The following GSTCD variants were observed in gnomAD, a reference collection of about 807,000 sequenced individuals.
GSTCD encodes glutathione S-transferase C-terminal domain containing.
GSTCD carries 44 observed loss-of-function variants against 68.3 expected under a neutral mutation model. The observed-to-expected ratio is 0.64, with a 90% CI of 0.51 to 0.83. The LOEUF is 0.83. GSTCD is among the 40% of genes least tolerant of loss of function. The probability of loss-of-function intolerance (pLI) is 0.00; values close to 1 mark genes in which losing one functional copy is unlikely to be tolerated. For missense variants in GSTCD, 739 were observed against 735.9 expected (o/e 1.00, Z -0.05); for synonymous variants, 273 against 255.2 (o/e 1.07, Z -0.67).
intron 5 of GSTCD, among the ~76,000 whole-genome samples, chr4:105,805,211 C>T (rs1722440661): frequency 6.6e-6 from 1 of 151,960 alleles, no homozygotes; most frequent in African/African-American, 2.4e-5. Flanking sequence ...AAGATCAAGC[C>T]AGAAATCTCT....
At chr4:105,782,314 A>G (rs546168714) in intron 5 of GSTCD, among the ~76,000 whole-genome samples, 34 of 152,316 alleles carry the variant, frequency 2.2e-4, no homozygotes, top group Non-Finnish European at 5.0e-4. Context: ...CCTGGGCAAC[A>G]TAGCAAGATC....
intron 1 of GSTCD, among the ~76,000 whole-genome samples, chr4:105,715,820 C>T (rs1034381131): frequency 6.6e-6 from 1 of 151,794 alleles, no homozygotes; most frequent in African/African-American, 2.4e-5. Flanking sequence ...AATTTTCCTT[C>T]TAATATGTCA....
At chr4:105,793,159 ACT>A (rs1262388492) in intron 5 of GSTCD, among the ~76,000 whole-genome samples, 1 of 151,888 alleles carries the variant, frequency 6.6e-6, no homozygotes, top group Non-Finnish European at 1.5e-5. Flanking sequence ...CTAAATCTTA[ACT>A]CTCTAATCAG....
At chr4:105,806,364 G>C (rs1251256668) in intron 5 of GSTCD, among the ~76,000 whole-genome samples, 2 of 152,180 alleles carry the variant, frequency 1.3e-5, no homozygotes, top group Non-Finnish European at 2.9e-5. Context: ...TTTCAGTACA[G>C]GAGATAAGGT....
chr4:105,808,759 A>G (rs111886335), intron 5 of GSTCD, among the ~76,000 whole-genome samples: 4,886 of 152,182 alleles, frequency 0.032, 116 homozygotes, highest in Non-Finnish European at 0.051. Flanking sequence ...TAAACAATTT[A>G]TAACTTTTAA....
intron 4 of GSTCD, among the ~76,000 whole-genome samples, chr4:105,728,911 C>T (rs1172176794): frequency 6.6e-6 from 1 of 152,060 alleles, no homozygotes; most frequent in Non-Finnish European, 1.5e-5. Flanking sequence ...GAATTTTTCT[C>T]TAGTGACATT....
chr4:105,746,083 A>G (rs958512567), intron 5 of GSTCD, among the ~76,000 whole-genome samples: 3 of 152,126 alleles, frequency 2.0e-5, no homozygotes, highest in Admixed American at 6.6e-5. Flanking sequence ...CTGACTCCCC[A>G]TGCAGTTGAA....
chr4:105,747,373 C>T (rs547778657), intron 5 of GSTCD, among the ~76,000 whole-genome samples: 36 of 152,218 alleles, frequency 2.4e-4, no homozygotes, highest in Non-Finnish European at 4.9e-4. Flanking sequence ...GGCCCTACCC[C>T]ACAGTTTCTC....
At chr4:105,821,601 A>G (rs1441546529) in intron 5 of GSTCD, among the ~76,000 whole-genome samples, 3 of 151,952 alleles carry the variant, frequency 2.0e-5, no homozygotes, top group South Asian at 4.1e-4. Flanking sequence ...TCAGCTGTGT[A>G]TGATGCTCAC....
At chr4:105,798,242 T>C (rs1735978268) in intron 5 of GSTCD, among the ~76,000 whole-genome samples, 1 of 152,132 alleles carries the variant, frequency 6.6e-6, no homozygotes, top group South Asian at 2.1e-4. Flanking sequence ...ATCCTAGTTC[T>C]CTTGCTATTT....
chr4:105,744,638 G>T (rs1275525894), intron 5 of GSTCD, among the ~76,000 whole-genome samples: 1 of 152,020 alleles, frequency 6.6e-6, no homozygotes, highest in African/African-American at 2.4e-5. Context: ...CCTGACTTTT[G>T]ACCCCTTGGA....
intron 5 of GSTCD, among the ~76,000 whole-genome samples, chr4:105,809,952 G>A (rs1560839963): frequency 6.6e-6 from 1 of 151,944 alleles, no homozygotes; most frequent in African/African-American, 2.4e-5. Flanking sequence ...ATTTGGATAT[G>A]ATTCCTTAAA....
chr4:105,831,191 G>C (rs183546587), intron 8 of GSTCD, among the ~76,000 whole-genome samples: 24 of 152,318 alleles, frequency 1.6e-4, no homozygotes, highest in African/African-American at 5.3e-4. Flanking sequence ...AGAGTACACA[G>C]GTGGGACTAG....
chr4:105,764,321 A>G (rs562281935), intron 5 of GSTCD, among the ~76,000 whole-genome samples: 21 of 152,316 alleles, frequency 1.4e-4, no homozygotes, highest in Non-Finnish European at 2.1e-4. Flanking sequence ...AATTTATACT[A>G]CATCTCTCCA....
intron 5 of GSTCD, among the ~76,000 whole-genome samples, chr4:105,806,502 C>T (rs1390241341): frequency 2.6e-5 from 4 of 152,070 alleles, no homozygotes; most frequent in Non-Finnish European, 2.9e-5. Context: ...TTTCCCTACT[C>T]TGAACCTATC....
chr4:105,843,846 G>A (rs754760750), intron 11 of GSTCD, among the ~76,000 whole-genome samples: 4 of 143,870 alleles, frequency 2.8e-5, no homozygotes, highest in Non-Finnish European at 4.5e-5. Context: ...TGGTAGATGT[G>A]TGTTTTAGGT....
chr4:105,799,287 T>C (rs1350819156), intron 5 of GSTCD, among the ~76,000 whole-genome samples: 2 of 152,224 alleles, frequency 1.3e-5, no homozygotes, highest in Admixed American at 6.5e-5. Context: ...TGCTTTCTTA[T>C]CATTCATGTA....
At chr4:105,795,962 A>G (rs929125342) in intron 5 of GSTCD, among the ~76,000 whole-genome samples, 11 of 152,198 alleles carry the variant, frequency 7.2e-5, no homozygotes, top group Non-Finnish European at 1.3e-4. Flanking sequence ...TAGCTATTTA[A>G]TATTTTAGCC....
At chr4:105,792,178 T>C (rs1213023554) in intron 5 of GSTCD, among the ~76,000 whole-genome samples, 1 of 152,002 alleles carries the variant, frequency 6.6e-6, no homozygotes, top group Non-Finnish European at 1.5e-5. Flanking sequence ...GCAAAAAATA[T>C]GATGTCAATA....
Sources: allele counts gnomAD v4.1 joint callset (sites outside exome capture counted in the v4.1 genomes callset), GRCh38; gene constraint gnomAD v4.1.1; transcripts MANE v1.5; gene names NCBI Gene and HGNC (gene_info 2026-07-23, HGNC 2026-07-21).